The following ARHGEF11 variants were observed in gnomAD, a reference collection of about 807,000 sequenced individuals.
ARHGEF11 encodes the protein Rho guanine exchange factor (GEF) 11.
ARHGEF11 carries 55 observed loss-of-function variants against 193.7 expected under a neutral mutation model. That is an observed-to-expected ratio of 0.28 (90% CI 0.23 to 0.36). The LOEUF (loss-of-function observed/expected upper bound fraction) is 0.36. ARHGEF11 is among the 10% of genes least tolerant of loss of function. The pLI, the probability that ARHGEF11 is intolerant of heterozygous loss-of-function variation, is 1.00. For missense variants in ARHGEF11, 1,723 were observed against 2,005.6 expected (o/e 0.86, Z 2.69); for synonymous variants, 693 against 768.0 (o/e 0.90, Z 1.62).
rs765057222 is a variant in ARHGEF11 at position 156,939,711 on chromosome 1, C to A, written c.3933G>T (p.Glu1311Asp). Residue 1311 changes from glutamate to aspartate, a missense_variant, in exon 37 of 41, where the codon GAG (glutamate) becomes GAT (aspartate). Around this residue, in one of 5 missense-constraint regions of ARHGEF11, gnomAD observed 360 missense variants for 344.4 expected, o/e 1.05. Coordinates refer to ENST00000368194, the MANE Select transcript of ARHGEF11 (RefSeq NM_198236.3). Reference sequence around the variant, plus strand: ...TGTCTTCCTGCTCTGGCCGTTCCCCCTCCAGCCCTGCAAGCTGGGTGTTGT... The same window carrying A: ...TGTCTTCCTGCTCTGGCCGTTCCCCATCCAGCCCTGCAAGCTGGGTGTTGT... ...EGDNTQLAGL[E>D]GERPEQEDMG... The A allele has an allele frequency of 6.2e-7, 1 of 1,614,124 alleles. No homozygotes were observed.
rs551046629 is a variant in ARHGEF11 at position 156,995,559 on chromosome 1, CT to C, written c.33-9387del. Among the ~76,000 whole-genome samples the C allele has an allele frequency of 5.3e-3, 756 of 143,488 alleles. 4 individuals carry two copies. The highest frequency in any genetic ancestry group is 7.2e-3 in the Middle Eastern group (2 of 278). The allele number at this position is 143,488 out of a possible 152,430, so 94.1% of individuals were successfully genotyped here. On this transcript the variant is annotated intron_variant, in intron 1 of 40. Transcript: ENST00000368194. ...TATTGTTTGGGTGCCTTTTCTTCTT[CT>C]TTTTTTTTTTTTTGAGACAGGGTCT...
intron 1 of ARHGEF11, among the ~76,000 whole-genome samples, chr1:157,018,900 G>A (rs1396777419): frequency 6.6e-6 from 1 of 152,174 alleles, no homozygotes; most frequent in Non-Finnish European, 1.5e-5. Flanking sequence ...AAGTAATGGT[G>A]CCAGAACAAC....
At position 156,962,878 on chromosome 1, in the gene ARHGEF11, C is replaced by CAAAA. The variant is rs59159449; in HGVS notation, c.1140+321_1140+324dup. Among the ~76,000 whole-genome samples, 35 of 21,284 alleles carry CAAAA rather than the reference C, an allele frequency of 1.6e-3. 2 individuals carry two copies. The highest frequency in any genetic ancestry group is 4.9e-3 in the African/African-American group (28 of 5,710). The allele number at this position is 21,284 out of a possible 152,430, so 14.0% of individuals were successfully genotyped here. On this transcript the variant is annotated intron_variant, in intron 13 of 40. Transcript: ENST00000368194. The stretch of plus-strand genomic sequence containing the variant: ...TCGGCGACAGTGCGAGACTCCGTCT[C>CAAAA]AAAAAAAAAAAAAAAAAAAAAAAAA...
intron 21 of ARHGEF11, among the ~76,000 whole-genome samples, chr1:156,952,243 A>G (rs1439078051): frequency 6.6e-6 from 1 of 152,164 alleles, no homozygotes; most frequent in Non-Finnish European, 1.5e-5. Flanking sequence ...GAGGTGACCT[A>G]GGAGGAACAG....
At chr1:156,989,555 G>A (rs550480352) in intron 1 of ARHGEF11, among the ~76,000 whole-genome samples, 4 of 152,064 alleles carry the variant, frequency 2.6e-5, no homozygotes, top group Non-Finnish European at 4.4e-5. Context: ...TTTCAAATTC[G>A]TCTCTGATTA....
chr1:156,963,628 G>A (rs770057991), intron 11 of ARHGEF11, 34 bp from the exon 12 acceptor site: 5 of 1,605,012 alleles, frequency 3.1e-6, no homozygotes, highest in Admixed American at 1.7e-5. Context: ...GAGATGAGAG[G>A]TTATAGAGGA....
chr1:157,029,528 T>C (rs1162286813), intron 1 of ARHGEF11, among the ~76,000 whole-genome samples: 1 of 152,098 alleles, frequency 6.6e-6, no homozygotes, highest in African/African-American at 2.4e-5. Context: ...TGCCTCGGCC[T>C]CCCAAAGCAC....
At chr1:156,956,810 T>C (rs897205889) in intron 18 of ARHGEF11, among the ~76,000 whole-genome samples, 1 of 152,186 alleles carries the variant, frequency 6.6e-6, no homozygotes, top group African/African-American at 2.4e-5. Flanking sequence ...AGAAGTCTTA[T>C]TCTTTCCCTA....
chr1:156,996,251 A>C (rs1666474857), intron 1 of ARHGEF11, among the ~76,000 whole-genome samples: 1 of 152,206 alleles, frequency 6.6e-6, no homozygotes, highest in South Asian at 2.1e-4. Context: ...AAGACAGTGA[A>C]GCATCAACTA....
chr1:156,994,550 A>T (rs1666220498), intron 1 of ARHGEF11, among the ~76,000 whole-genome samples: 1 of 152,156 alleles, frequency 6.6e-6, no homozygotes, highest in African/African-American at 2.4e-5. Flanking sequence ...ACTTTCATGA[A>T]GGTCTTAGAC....
intron 12 of ARHGEF11, 76 bp downstream of exon 12, chr1:156,963,444 G>A: frequency 1.3e-6 from 2 of 1,541,440 alleles, no homozygotes; most frequent in Admixed American, 1.7e-5. Flanking sequence ...GCTGATGCTA[G>A]TCAAACTGCT....
intron 1 of ARHGEF11, among the ~76,000 whole-genome samples, chr1:157,041,316 C>G (rs1463395464): frequency 6.6e-6 from 1 of 152,144 alleles, no homozygotes; most frequent in Non-Finnish European, 1.5e-5. Context: ...TGGACAAAAA[C>G]TGAAAGGGAC....
At chr1:156,968,146 T>G in intron 10 of ARHGEF11, 22 bp from the exon 11 acceptor site, 1 of 1,595,490 alleles carries the variant, frequency 6.3e-7, no homozygotes. Flanking sequence ...AAGAATTCTG[T>G]GAGAAGGAAC....
chr1:156,944,307 G>A (rs1016812482), intron 31 of ARHGEF11, 51 bp downstream of exon 31: 2 of 1,580,968 alleles, frequency 1.3e-6, no homozygotes, highest in Non-Finnish European at 1.7e-6. Context: ...AGAGCCCAGG[G>A]AGGCCCACCC....
At chr1:156,936,486 A>AT (rs1424397877) in intron 40 of ARHGEF11, among the ~76,000 whole-genome samples, 2 of 88,506 alleles carry the variant, frequency 2.3e-5, no homozygotes, top group African/African-American at 9.9e-5. Flanking sequence ...AATAGAAAAA[A>AT]AAAAAAAAAA....
At chr1:156,962,735 C>T (rs552523222) in intron 13 of ARHGEF11, among the ~76,000 whole-genome samples, 2 of 151,852 alleles carry the variant, frequency 1.3e-5, no homozygotes, top group South Asian at 2.1e-4. Context: ...AAAAATTAGC[C>T]GGGCATGGTG....
chr1:156,976,729 C>T (rs1663314447), intron 7 of ARHGEF11, among the ~76,000 whole-genome samples: 1 of 152,036 alleles, frequency 6.6e-6, no homozygotes, highest in South Asian at 2.1e-4. Flanking sequence ...ACTCTGTTGA[C>T]TTTTTTTTGT....
At chr1:157,006,585 G>A in intron 1 of ARHGEF11, among the ~76,000 whole-genome samples, 1 of 152,182 alleles carries the variant, frequency 6.6e-6, no homozygotes, top group East Asian at 1.9e-4. Flanking sequence ...CTGATCCTGT[G>A]TGCCCTCTGG....
intron 1 of ARHGEF11, among the ~76,000 whole-genome samples, chr1:157,037,710 C>T (rs822570): frequency 0.48 from 72,346 of 151,882 alleles, 17,609 homozygotes; most frequent in Middle Eastern, 0.67. Context: ...TTTTGTGTTG[C>T]TTTGTTAATA....
Sources: gnomAD v4.1 joint callset for allele counts (sites outside exome capture counted in the v4.1 genomes callset) on GRCh38, gnomAD v4.1.1 for gene constraint, gnomAD v4.1.1 regional missense constraint, MANE v1.5 for transcripts, NCBI Gene and HGNC (gene_info 2026-07-23, HGNC 2026-07-21) for gene names.